The following PARD3B variants were observed in gnomAD, a reference collection of about 807,000 sequenced individuals.
The protein encoded by PARD3B is par-3 family cell polarity regulator beta, also known as partitioning defective 3 homolog B.
PARD3B carries 103 observed loss-of-function variants against 130.2 expected under a neutral mutation model. That is an observed-to-expected ratio of 0.79 (90% CI 0.67 to 0.93). PARD3B has a LOEUF of 0.93. Among genes scored for constraint, PARD3B ranks in the 40% least tolerant of loss-of-function variants. The pLI, the probability that PARD3B is intolerant of heterozygous loss-of-function variation, is 0.00. For missense variants in PARD3B, 1,609 were observed against 1,499.2 expected, an observed-to-expected ratio of 1.07 and a Z score of -1.21; for synonymous variants, 583 against 553.2, an observed-to-expected ratio of 1.05 and a Z score of -0.76.
intron 18 of PARD3B, among the ~76,000 whole-genome samples, chr2:205,323,076 A>G (rs2042810741): frequency 2.0e-5 from 3 of 150,990 alleles, no homozygotes; most frequent in African/African-American, 2.4e-5. Context: ...AAGCCCGGCT[A>G]ATTTTTTGTG....
chr2:205,019,413 C>G (rs980570130), intron 3 of PARD3B, among the ~76,000 whole-genome samples: 1 of 152,130 alleles, frequency 6.6e-6, no homozygotes, highest in African/African-American at 2.4e-5. Flanking sequence ...TGTGAGCACT[C>G]TTTAGCTATT....
chr2:205,048,651 A>G (rs1376331654), intron 4 of PARD3B: 7 of 152,204 alleles, frequency 4.6e-5, no homozygotes, highest in African/African-American at 1.7e-4. Flanking sequence ...GAAATGAGTT[A>G]AACAGGTTTT....
chr2:205,517,365 T>C lies in PARD3B; in HGVS notation c.3180+17334T>C, dbSNP rs555397925. ...TTCTAGGTTTTCTAGTTTGTGTACA[T>C]AGAGGTGTTCATAGTAGCTTCTGAT... On this transcript the variant is annotated intron_variant, in intron 21 of 22. Transcript: ENST00000406610. Among the ~76,000 whole-genome samples the C allele has an allele frequency of 4.2e-4, 64 of 152,266 alleles. 1 individual carries two copies. The highest frequency in any genetic ancestry group is 3.4e-3 in the Middle Eastern group (1 of 294).
At chr2:205,178,497 C>T (rs2035613010) in intron 13 of PARD3B, among the ~76,000 whole-genome samples, 1 of 152,108 alleles carries the variant, frequency 6.6e-6, no homozygotes, top group Non-Finnish European at 1.5e-5. Context: ...ACAAGATTGC[C>T]TTCTGAAATC....
chr2:205,477,187 A>G (rs2049052237), intron 20 of PARD3B, among the ~76,000 whole-genome samples: 1 of 152,180 alleles, frequency 6.6e-6, no homozygotes, highest in African/African-American at 2.4e-5. Flanking sequence ...TTTATATAAC[A>G]TGGAATATTC....
chr2:204,737,090 C>A (rs1457305778), intron 2 of PARD3B, among the ~76,000 whole-genome samples: 1 of 151,964 alleles, frequency 6.6e-6, no homozygotes, highest in Admixed American at 6.6e-5. Context: ...GGAATTACAG[C>A]TATGGAATTA....
At chr2:204,905,045 G>C (rs1363966694) in intron 2 of PARD3B, among the ~76,000 whole-genome samples, 2 of 152,166 alleles carry the variant, frequency 1.3e-5, no homozygotes, top group Non-Finnish European at 2.9e-5. Context: ...ATAAATTTGG[G>C]ATTGAATCCT....
rs1460264728 is a variant in PARD3B, at chr2:205,616,980, A to C, written c.*1167A>C. The C allele has an allele frequency of 6.5e-6, 1 of 154,306 alleles. No individual in the cohort carries two copies. Among genetic ancestry groups the C allele is most frequent in the African/African-American group, 2.4e-5 (1 of 41,490 alleles). The allele number at this position is 154,306 out of a possible 1,614,324, so 9.6% of individuals were successfully genotyped here. On this transcript the variant is annotated 3_prime_UTR_variant, in exon 23 of 23. Coordinates refer to ENST00000406610, the MANE Select transcript of PARD3B (RefSeq NM_001302769.2). ...CAGTATGGAGAATGAAAGATTAATA[A>C]TGCTTTCTGGAGAGTTTGATGCAAA...
chr2:205,022,741 G>A (rs1332179798), intron 3 of PARD3B, among the ~76,000 whole-genome samples: 1 of 152,024 alleles, frequency 6.6e-6, no homozygotes, highest in Non-Finnish European at 1.5e-5. Flanking sequence ...TTCATAATAC[G>A]ATCATTCATT....
intron 22 of PARD3B, among the ~76,000 whole-genome samples, chr2:205,577,423 C>T (rs945799641): frequency 6.6e-6 from 1 of 152,096 alleles, no homozygotes; most frequent in Non-Finnish European, 1.5e-5. Context: ...AAAATATTTT[C>T]CTTCATTTTT....
At chr2:205,342,357 T>C (rs1276519812) in intron 18 of PARD3B, among the ~76,000 whole-genome samples, 1 of 152,226 alleles carries the variant, frequency 6.6e-6, no homozygotes, top group Non-Finnish European at 1.5e-5. Flanking sequence ...AGATGTCTAC[T>C]AGAGCAACAC....
chr2:205,211,511 C>T (rs532567051), intron 15 of PARD3B, among the ~76,000 whole-genome samples: 3 of 148,760 alleles, frequency 2.0e-5, no homozygotes, highest in East Asian at 1.9e-4. Flanking sequence ...AAAGTTTGAG[C>T]GATGAGGTAA....
At chr2:204,637,964 G>A (rs1474694820) in intron 1 of PARD3B, among the ~76,000 whole-genome samples, 1 of 152,086 alleles carries the variant, frequency 6.6e-6, no homozygotes, top group Non-Finnish European at 1.5e-5. Flanking sequence ...AAGTCGTTCT[G>A]AGATGGATTT....
chr2:205,136,890 G>A (rs2032534276), intron 10 of PARD3B, among the ~76,000 whole-genome samples: 1 of 152,120 alleles, frequency 6.6e-6, no homozygotes, highest in Admixed American at 6.5e-5. Flanking sequence ...CAATTGTTCA[G>A]CAAGTATTTA....
At chr2:204,891,750 T>C (rs2125690111) in intron 2 of PARD3B, among the ~76,000 whole-genome samples, 1 of 152,260 alleles carries the variant, frequency 6.6e-6, no homozygotes, top group Non-Finnish European at 1.5e-5. Flanking sequence ...CAGCCCCAGA[T>C]GTTCCCCCTG....
intron 10 of PARD3B, among the ~76,000 whole-genome samples, chr2:205,141,888 A>G (rs1315607565): frequency 6.6e-6 from 1 of 152,180 alleles, no homozygotes; most frequent in Non-Finnish European, 1.5e-5. Context: ...TTTAATTTTA[A>G]TGAGAACGTG....
At chr2:205,213,392 C>T (rs961012941) in intron 15 of PARD3B, among the ~76,000 whole-genome samples, 1 of 152,022 alleles carries the variant, frequency 6.6e-6, no homozygotes, top group African/African-American at 2.4e-5. Flanking sequence ...TAAGCTTCTA[C>T]AGGTGATACT....
intron 2 of PARD3B, among the ~76,000 whole-genome samples, chr2:204,768,774 G>T: frequency 1.3e-5 from 1 of 75,134 alleles, no homozygotes; most frequent in Non-Finnish European, 2.5e-5. Context: ...TTGTGAATGG[G>T]AGTTCACCCA....
At chr2:205,403,167 TG>T (rs2046311170) in intron 19 of PARD3B, among the ~76,000 whole-genome samples, 1 of 152,242 alleles carries the variant, frequency 6.6e-6, no homozygotes, top group Non-Finnish European at 1.5e-5. Context: ...GTTTGAAATT[TG>T]TTTCTTTGAC....
Sources: allele counts gnomAD v4.1 joint callset (sites outside exome capture counted in the v4.1 genomes callset), GRCh38; gene constraint gnomAD v4.1.1; transcripts MANE v1.5; gene names NCBI Gene and HGNC (gene_info 2026-07-23, HGNC 2026-07-21).